The following MYT1L variants were observed in gnomAD, a reference collection of about 807,000 sequenced individuals.
MYT1L encodes myelin transcription factor 1 like, also known as myelin transcription factor 1-like protein.
Under a neutral mutation model 126.7 loss-of-function variants are expected in MYT1L, and 12 were observed. The ratio of observed to expected loss-of-function variants is 0.09; its 90% confidence interval spans 0.06 to 0.15. The LOEUF is 0.15. MYT1L is among the 10% of genes least tolerant of loss of function. The pLI is 1.00. For missense variants in MYT1L, 979 were observed against 1,585.2 expected (o/e 0.62, Z 6.49); for synonymous variants, 541 against 604.2 (o/e 0.90, Z 1.53).
In MYT1L at chr2:2,007,211, G is replaced by A. The variant is rs557162305; in HGVS notation, c.-157-9864C>T. On this transcript the variant is annotated intron_variant, in intron 4 of 24. Transcript: ENST00000647738. ...TTGGAATTTCCTCAGGAGGATTGGT[G>A]GGTCACATGGTAGTTCTATTTTTAA... 1.7e-4 allele frequency among the ~76,000 whole-genome samples: 26 copies of A among 152,192 alleles called. No individual in the cohort carries two copies. In the South Asian group the frequency reaches 5.4e-3, roughly 32 times the overall value.
At chr2:1,903,887 G>C (rs953143222) in intron 13 of MYT1L, among the ~76,000 whole-genome samples, 5 of 152,160 alleles carry the variant, frequency 3.3e-5, no homozygotes, top group Admixed American at 6.6e-5. Context: ...TATTTAAAAG[G>C]AAGGACACTG....
chr2:1,964,760 T>G (rs1574043768), intron 8 of MYT1L, among the ~76,000 whole-genome samples: 2 of 152,216 alleles, frequency 1.3e-5, no homozygotes, highest in Non-Finnish European at 2.9e-5. Context: ...GAGCCCTCCT[T>G]ATCTCCAGCC....
intron 9 of MYT1L, among the ~76,000 whole-genome samples, chr2:1,940,318 C>A (rs956230125): frequency 2.0e-5 from 3 of 150,010 alleles, no homozygotes; most frequent in Admixed American, 2.0e-4. Context: ...GCTCAGTAAA[C>A]TGGGTGCACC....
rs1435483855 is a variant in MYT1L, at chr2:2,262,519, C to T, written c.-421+21885G>A. Reference sequence around the variant, plus strand: ...CATCCAGGCTAACACAGTGAAACCCCGTCTCTACTAAAACTACAAAAAAAT... The same window carrying T: ...CATCCAGGCTAACACAGTGAAACCCTGTCTCTACTAAAACTACAAAAAAAT... On this transcript the variant is annotated intron_variant, in intron 2 of 24. Coordinates refer to ENST00000647738, the MANE Select transcript of MYT1L (RefSeq NM_001303052.2). Among the ~76,000 whole-genome samples, 10 of 151,866 alleles carry T rather than the reference C, an allele frequency of 6.6e-5. No homozygotes were observed. The East Asian group carries it at 1.2e-3, about 18-fold the overall frequency.
intron 18 of MYT1L, among the ~76,000 whole-genome samples, chr2:1,885,886 T>C (rs183093555): frequency 1.3e-5 from 2 of 152,316 alleles, no homozygotes; most frequent in South Asian, 2.1e-4. Context: ...CATCTAGAGA[T>C]GTCTATGTGA....
chr2:2,139,665 A>C (rs2083649505), intron 3 of MYT1L, among the ~76,000 whole-genome samples: 1 of 151,116 alleles, frequency 6.6e-6, no homozygotes, highest in African/African-American at 2.4e-5. Context: ...TAAATAAATA[A>C]ATATAAAAAA....
intron 2 of MYT1L, among the ~76,000 whole-genome samples, chr2:2,233,490 G>A (rs369262947): frequency 3.1e-4 from 47 of 152,132 alleles, no homozygotes; most frequent in Non-Finnish European, 5.9e-4. Context: ...CTCCTGAGGG[G>A]TCTACACATC....
In MYT1L at chr2:1,819,857, G is replaced by A. The variant is rs115877464; in HGVS notation, c.3081-10690C>T. Among the ~76,000 whole-genome samples the A allele has an allele frequency of 1.7e-3, 257 of 152,338 alleles. 3 individuals carry two copies. Among genetic ancestry groups the A allele is most frequent in the African/African-American group, 5.8e-3 (242 of 41,572 alleles). On this transcript the variant is annotated intron_variant, in intron 21 of 24. Transcript: ENST00000647738. ...AGAGAGGCAGGGAGCTGGAGGGATG[G>A]GTAAGAGCTTATTAGGGAAGATCTC... is the stretch of plus-strand genomic sequence containing the variant.
rs138794082 is a variant in MYT1L at position 1,830,335 on chromosome 2, C to A, written c.3080+8814G>T. 2.3e-3 allele frequency among the ~76,000 whole-genome samples: 351 copies of A among 152,326 alleles called. 3 individuals are homozygous for A. Among genetic ancestry groups the A allele is most frequent in the African/African-American group, 7.9e-3 (330 of 41,576 alleles). On this transcript the variant is annotated intron_variant, in intron 21 of 24. Transcript: ENST00000647738. ...ACAGGGATAATTACAGAGCCCATTT[C>A]TTCAGGCTGCTGTGAGGATTAAGAA...
chr2:1,962,803 C>T (rs574811750), intron 8 of MYT1L, among the ~76,000 whole-genome samples: 1 of 152,354 alleles, frequency 6.6e-6, no homozygotes, highest in South Asian at 2.1e-4. Flanking sequence ...AGCAACACTT[C>T]TAATTCCAGT....
intron 8 of MYT1L, among the ~76,000 whole-genome samples, chr2:1,973,663 C>T (rs1036832187): frequency 1.3e-5 from 2 of 152,214 alleles, no homozygotes; most frequent in African/African-American, 4.8e-5. Context: ...ATCACCTACA[C>T]AGACAGAGAG....
intron 3 of MYT1L, among the ~76,000 whole-genome samples, chr2:2,085,909 G>A (rs2076309052): frequency 6.6e-6 from 1 of 152,166 alleles, no homozygotes; most frequent in African/African-American, 2.4e-5. Flanking sequence ...AATGCGTTTG[G>A]GTGTTCCCTT....
Position 2,108,203 on chromosome 2 carries a change from A to G in MYT1L, c.-303-54080T>C, listed in dbSNP as rs116641245. 5.6e-3 allele frequency among the ~76,000 whole-genome samples: 850 copies of G among 152,188 alleles called. 5 individuals carry two copies. Among genetic ancestry groups the G allele is most frequent in the African/African-American group, 0.02 (813 of 41,526 alleles). ...TAACCCACTGCTAGAGTCCCTCCAA[A>G]TGCATCCCAGTGTACCAACTCTACC... is the stretch of plus-strand genomic sequence containing the variant. On this transcript the variant is annotated intron_variant, in intron 3 of 24. Coordinates refer to ENST00000647738, the MANE Select transcript of MYT1L (RefSeq NM_001303052.2).
intron 9 of MYT1L, among the ~76,000 whole-genome samples, chr2:1,941,233 C>T (rs2056607379): frequency 6.6e-6 from 1 of 151,864 alleles, no homozygotes; most frequent in African/African-American, 2.4e-5. Flanking sequence ...TGGTTAAGGC[C>T]CCTGGTGTAA....
At chr2:1,994,120 T>C (rs1294197156) in intron 5 of MYT1L, among the ~76,000 whole-genome samples, 2 of 152,220 alleles carry the variant, frequency 1.3e-5, no homozygotes, top group Non-Finnish European at 2.9e-5. Context: ...ATAAACGTTT[T>C]CGGTCATTCA....
At chr2:2,100,580 G>A (rs1203384252) in intron 3 of MYT1L, among the ~76,000 whole-genome samples, 5 of 152,046 alleles carry the variant, frequency 3.3e-5, no homozygotes, top group Admixed American at 3.3e-4. Context: ...CATGGACACT[G>A]GTCTCCACAG....
At chr2:1,831,662 C>T (rs932842358) in intron 21 of MYT1L, among the ~76,000 whole-genome samples, 1 of 152,194 alleles carries the variant, frequency 6.6e-6, no homozygotes, top group African/African-American at 2.4e-5. Context: ...GTTTTGAACT[C>T]TCCGCCACAC....
Position 1,830,170 on chromosome 2 carries a change from G to A in MYT1L, c.3080+8979C>T, listed in dbSNP as rs187900527. Reference sequence around the variant, plus strand: ...TTTCACCAAGATCATCACAGGGATCGGAGTCAGGGAGAGATGAGATAGTGG... The same window carrying A: ...TTTCACCAAGATCATCACAGGGATCAGAGTCAGGGAGAGATGAGATAGTGG... On this transcript the variant is annotated intron_variant, in intron 21 of 24. Transcript: ENST00000647738. Among the ~76,000 whole-genome samples, 13 of 152,266 alleles carry A rather than the reference G, an allele frequency of 8.5e-5. No homozygotes were observed. In the East Asian group the frequency reaches 2.3e-3, roughly 27 times the overall value.
intron 4 of MYT1L, among the ~76,000 whole-genome samples, chr2:2,050,534 G>A (rs1446981742): frequency 6.6e-6 from 1 of 152,112 alleles, no homozygotes; most frequent in African/African-American, 2.4e-5. Context: ...AGGTGTTCAC[G>A]GCTCAGCAAT....
Sources: gnomAD v4.1 joint callset for allele counts (sites outside exome capture counted in the v4.1 genomes callset) on GRCh38, gnomAD v4.1.1 for gene constraint, MANE v1.5 for transcripts, NCBI Gene and HGNC (gene_info 2026-07-23, HGNC 2026-07-21) for gene names.